The following KLF8 variants were observed in gnomAD, a reference collection of about 807,000 sequenced individuals.
The protein encoded by KLF8 is Krueppel-like factor 8.
Under a neutral mutation model 18.2 loss-of-function variants are expected in KLF8, and 10 were observed. That is an observed-to-expected ratio of 0.55 (90% CI 0.34 to 0.93). The LOEUF is 0.93. Among genes scored for constraint, KLF8 ranks in the 40% least tolerant of loss-of-function variants. The probability of loss-of-function intolerance (pLI) is 0.02; values close to 1 mark genes in which losing one functional copy is unlikely to be tolerated. For missense variants in KLF8, 264 were observed against 277.9 expected, an observed-to-expected ratio of 0.95 and a Z score of 0.36; for synonymous variants, 109 against 97.3, an observed-to-expected ratio of 1.12 and a Z score of -0.71.
the KLF8 span, among the ~76,000 whole-genome samples, chrX:56,081,950 G>T: frequency 4.5e-5 from 5 of 111,363 alleles, no homozygotes; most frequent in African/African-American, 1.6e-4. Context: ...TGATTTGAGG[G>T]TAAGTCTGGC....
chrX:56,058,688 T>C, the KLF8 span, among the ~76,000 whole-genome samples: 3 of 110,590 alleles, frequency 2.7e-5, no homozygotes, highest in Non-Finnish European at 5.7e-5. Flanking sequence ...GAACTCATCG[T>C]TTTTTATGGC....
At chrX:55,931,466 G>T in the KLF8 span, among the ~76,000 whole-genome samples, 2 of 111,575 alleles carry the variant, frequency 1.8e-5, no homozygotes, top group Non-Finnish European at 3.8e-5. Flanking sequence ...TAATGTTAGG[G>T]TGTTGATTTT....
the KLF8 span, among the ~76,000 whole-genome samples, chrX:56,123,816 G>A: frequency 4.5e-5 from 5 of 111,741 alleles, no homozygotes; most frequent in African/African-American, 1.6e-4. Flanking sequence ...AAATGACATC[G>A]TGGGACAGTA....
the KLF8 span, among the ~76,000 whole-genome samples, chrX:56,123,239 T>TA: frequency 4.7e-5 from 3 of 63,459 alleles, no homozygotes; most frequent in East Asian, 4.1e-4. Context: ...TTTACAAAAA[T>TA]AAAAAAAGAA....
chrX:56,140,566 G>T, the KLF8 span, among the ~76,000 whole-genome samples: 1 of 110,628 alleles, frequency 9.0e-6, no homozygotes, highest in Non-Finnish European at 1.9e-5. Flanking sequence ...GAGTACACAT[G>T]TACACAAAGA....
chrX:56,190,320 A>C, the KLF8 span, among the ~76,000 whole-genome samples: 2 of 111,383 alleles, frequency 1.8e-5, no homozygotes, highest in Non-Finnish European at 3.8e-5. Context: ...TGGAGCACTC[A>C]GATATATAAA....
At chrX:55,975,954 A>T in the KLF8 span, among the ~76,000 whole-genome samples, 1 of 111,000 alleles carries the variant, frequency 9.0e-6, no homozygotes, top group Admixed American at 9.5e-5. Context: ...TACTAAAAAT[A>T]TAAAATTAGC....
At chrX:55,996,878 G>C in the KLF8 span, among the ~76,000 whole-genome samples, 3 of 112,296 alleles carry the variant, frequency 2.7e-5, no homozygotes, top group Non-Finnish European at 5.6e-5. Flanking sequence ...ATACATGCTT[G>C]TGATGGAGGT....
chrX:56,034,116 T>C, the KLF8 span, among the ~76,000 whole-genome samples: 8 of 112,281 alleles, frequency 7.1e-5, no homozygotes, highest in Admixed American at 2.8e-4. Context: ...TTTTTTCTGC[T>C]ATATTTTCTT....
chrX:56,179,509 C>G, the KLF8 span, among the ~76,000 whole-genome samples: 25 of 111,911 alleles, frequency 2.2e-4, no homozygotes, highest in South Asian at 3.7e-4. Flanking sequence ...TTGCCTTGGC[C>G]AGAACTTCCA....
intron 2 of KLF8, among the ~76,000 whole-genome samples, chrX:56,256,069 T>C (rs753624638): frequency 9.0e-6 from 1 of 111,616 alleles, no homozygotes; most frequent in South Asian, 3.8e-4. Flanking sequence ...TTACTTGTTA[T>C]TGGTCTGTTC....
the KLF8 span, among the ~76,000 whole-genome samples, chrX:55,933,153 T>G: frequency 8.9e-6 from 1 of 112,055 alleles, no homozygotes; most frequent in Non-Finnish European, 1.9e-5. Context: ...TTCAAAATAT[T>G]TGCCATTTTG....
the KLF8 span, among the ~76,000 whole-genome samples, chrX:56,154,908 C>G: frequency 8.9e-6 from 1 of 111,959 alleles, no homozygotes; most frequent in Non-Finnish European, 1.9e-5. Flanking sequence ...CAATGAGATA[C>G]CATCTCACAC....
chrX:55,936,297 T>C, the KLF8 span, among the ~76,000 whole-genome samples: 4 of 112,205 alleles, frequency 3.6e-5, no homozygotes, highest in African/African-American at 9.7e-5. Context: ...ATTGTGAACA[T>C]ATTAGGTGGG....
the KLF8 span, among the ~76,000 whole-genome samples, chrX:56,203,588 G>T: frequency 8.9e-6 from 1 of 112,343 alleles, no homozygotes; most frequent in South Asian, 3.6e-4. Flanking sequence ...AATCCATTTT[G>T]ATTTTACTTT....
the KLF8 span, among the ~76,000 whole-genome samples, chrX:56,104,916 C>T: frequency 1.8e-5 from 2 of 111,832 alleles, no homozygotes; most frequent in African/African-American, 3.3e-5. Context: ...TACGTTGTGG[C>T]TTTGTTCTGA....
chrX:56,022,551 C>CAAAAAAAAAAAAAA, the KLF8 span, among the ~76,000 whole-genome samples: 2 of 27,306 alleles, frequency 7.3e-5, no homozygotes, highest in African/African-American at 1.0e-4. Context: ...TCTGTCTGAC[C>CAAAAAAAAAAAAAA]AAAAAAAAAA....
At chrX:56,156,722 C>A in the KLF8 span, among the ~76,000 whole-genome samples, 1 of 105,163 alleles carries the variant, frequency 9.5e-6, no homozygotes, top group African/African-American at 3.5e-5. Context: ...ATCCCTCCCC[C>A]CTACCCACCC....
chrX:56,065,884 G>A, the KLF8 span, among the ~76,000 whole-genome samples: 2 of 111,898 alleles, frequency 1.8e-5, no homozygotes, highest in Admixed American at 1.9e-4. Flanking sequence ...ATGTTTGTGT[G>A]TGGATGTGAA....
Sources: gnomAD v4.1 joint callset for allele counts (sites outside exome capture counted in the v4.1 genomes callset) on GRCh38, gnomAD v4.1.1 for gene constraint, MANE v1.5 for transcripts, NCBI Gene and HGNC (gene_info 2026-07-23, HGNC 2026-07-21) for gene names.